SLC35B4: variants seen among roughly 807,000 people sequenced by gnomAD.
SLC35B4 encodes the protein solute carrier family 35 member B4.
SLC35B4 carries 28 observed loss-of-function variants against 39.5 expected under a neutral mutation model. The ratio of observed to expected loss-of-function variants is 0.71; its 90% CI spans 0.53 to 0.97. The LOEUF (loss-of-function observed/expected upper bound fraction) is 0.97. Ranked by LOEUF, SLC35B4 falls within the 50% of genes least tolerant of loss-of-function variation. The pLI is 0.00. For missense variants in SLC35B4, 334 were observed against 414.3 expected (o/e 0.81, Z 1.68); for synonymous variants, 145 against 150.4 (o/e 0.96, Z 0.26).
At chr7:134,310,244 T>C (rs1360210071) in intron 1 of SLC35B4, among the ~76,000 whole-genome samples, 1 of 152,182 alleles carries the variant, frequency 6.6e-6, no homozygotes, top group Non-Finnish European at 1.5e-5. Flanking sequence ...ACTCAAAAAA[T>C]GTTTGTGGAA....
chr7:134,293,303 C>G lies in SLC35B4; in HGVS notation c.*1530G>C, dbSNP rs1363798773. On this transcript the variant is annotated 3_prime_UTR_variant, in exon 10 of 10. Transcript: ENST00000378509. ...GCCACTTCCGTGCCCTTTGATCACA[C>G]ACAGACTACACAAGAGCACACAGAA... 6.6e-6 allele frequency: 1 copy of G among 152,216 alleles called. No individual in the cohort carries two copies. The highest frequency in any genetic ancestry group is 2.4e-5 in the African/African-American group (1 of 41,454). 9.4% of individuals were successfully genotyped at this position (152,216 alleles called of 1,614,324 possible). A position where few individuals can be genotyped will look rare whatever the true frequency, so the allele number is the denominator to read the frequency against.
chr7:134,310,915 A>G (rs1017586204), intron 1 of SLC35B4, among the ~76,000 whole-genome samples: 2 of 152,198 alleles, frequency 1.3e-5, no homozygotes, highest in African/African-American at 2.4e-5. Context: ...GTATTATTAC[A>G]TATTAATATA....
chr7:134,299,107 T>C (rs1013660337), intron 8 of SLC35B4, among the ~76,000 whole-genome samples: 3 of 152,242 alleles, frequency 2.0e-5, no homozygotes, highest in African/African-American at 4.8e-5. Flanking sequence ...CTCTGCTCCA[T>C]GGCAGCTTGG....
upstream of SLC35B4, chr7:134,317,044 C>G: frequency 2.6e-6 from 1 of 380,666 alleles, no homozygotes. Context: ...GCGACGTTCC[C>G]GCTTCCGCCA....
chr7:134,315,600 C>A (rs1315020980), intron 1 of SLC35B4, among the ~76,000 whole-genome samples: 2 of 151,108 alleles, frequency 1.3e-5, no homozygotes, highest in African/African-American at 4.9e-5. Flanking sequence ...TGGGTACCAT[C>A]CGTAAAATAT....
chr7:134,307,009 A>T (rs1803725396), intron 2 of SLC35B4, among the ~76,000 whole-genome samples: 1 of 152,338 alleles, frequency 6.6e-6, no homozygotes, highest in South Asian at 2.1e-4. Context: ...CTATTTAAAA[A>T]TTTTCAAGTA....
chr7:134,319,417 C>T (rs1030398102), upstream of SLC35B4, among the ~76,000 whole-genome samples: 1 of 152,186 alleles, frequency 6.6e-6, no homozygotes, highest in Non-Finnish European at 1.5e-5. Flanking sequence ...ACATGAGTCT[C>T]CTGTTTCTCT....
In SLC35B4 at chr7:134,300,227, T is replaced by C. The variant is rs763648934; in HGVS notation, c.522A>G (p.Ser174=). 1 of 1,612,884 alleles carries C rather than the reference T, an allele frequency of 6.2e-7. No homozygotes were observed. The highest frequency in any genetic ancestry group is 8.5e-7 in the Non-Finnish European group (1 of 1,179,760). The change falls in exon 7 of 10, where the codon TCA becomes TCG. Residue 174 remains serine (S), a synonymous_variant. Transcript: ENST00000378509. ...TCTCTTGGAATATCCCCATCCTTGCTGACATCAGAAGAGCAAAAGTCAATG... is the reference window on the plus strand; with the variant it reads ...TCTCTTGGAATATCCCCATCCTTGCCGACATCAGAAGAGCAAAAGTCAATG... ...IGALTFALLM[S]ARMGIFQETL... is the part of the protein sequence containing the mutation.
intron 2 of SLC35B4, 55 bp downstream of exon 2, chr7:134,309,311 C>T: frequency 9.8e-7 from 1 of 1,016,474 alleles, no homozygotes; most frequent in Non-Finnish European, 1.4e-6. Flanking sequence ...ACAGGTACCA[C>T]CTCTTTACTT....
At chr7:134,318,887 G>A (rs1047942645), upstream of SLC35B4, among the ~76,000 whole-genome samples, 1 of 152,134 alleles carries the variant, frequency 6.6e-6, no homozygotes, top group Non-Finnish European at 1.5e-5. Flanking sequence ...TTAATTTAAT[G>A]TGCATGTTAA....
At chr7:134,308,079 C>T (rs1245180987) in intron 2 of SLC35B4, among the ~76,000 whole-genome samples, 1 of 152,038 alleles carries the variant, frequency 6.6e-6, no homozygotes, top group Non-Finnish European at 1.5e-5. Context: ...TTTATGGCTC[C>T]ACCTACAGAA....
At chr7:134,314,725 G>A (rs139949298) in intron 1 of SLC35B4, among the ~76,000 whole-genome samples, 126 of 152,004 alleles carry the variant, frequency 8.3e-4, no homozygotes, top group Middle Eastern at 3.4e-3. Flanking sequence ...TAGTAGAGAC[G>A]GGGTCTTACC....
rs973616380 is a variant in SLC35B4 at position 134,290,129 on chromosome 7, T to A, written c.*4704A>T. 6.6e-6 allele frequency: 1 copy of A among 152,198 alleles called. No homozygotes were observed. The highest frequency in any genetic ancestry group is 1.5e-5 in the Non-Finnish European group (1 of 68,060). The allele number at this position is 152,198 out of a possible 1,614,324, so 9.4% of individuals were successfully genotyped here. Reference sequence around the variant, plus strand: ...AGAATCTTTAATGTTCTATTAGGGATCTTCTTGCACTTTCTTCCTGAGCAT... The same window carrying A: ...AGAATCTTTAATGTTCTATTAGGGAACTTCTTGCACTTTCTTCCTGAGCAT... On this transcript the variant is annotated 3_prime_UTR_variant, in exon 10 of 10. Coordinates refer to ENST00000378509, the MANE Select transcript of SLC35B4 (RefSeq NM_032826.5).
intron 3 of SLC35B4, among the ~76,000 whole-genome samples, chr7:134,305,330 A>T (rs1208212685): frequency 8.7e-6 from 1 of 115,066 alleles, no homozygotes; most frequent in East Asian, 2.1e-4. Context: ...GTCTCCAAAA[A>T]TATACGTATA....
chr7:134,309,566 T>A lies in SLC35B4; in HGVS notation c.78-87A>T. On this transcript the variant is annotated intron_variant, in intron 1 of 9. Coordinates refer to ENST00000378509, the MANE Select transcript of SLC35B4 (RefSeq NM_032826.5). ...ATGCATTCTAATTAGAGGGCCAGAA[T>A]AACAGCGTGGATGGATTTCAATTAC... 3.6e-6 allele frequency: 3 copies of A among 831,806 alleles called. No individual in the cohort carries two copies. In the East Asian group the frequency reaches 7.9e-5, roughly 22 times the overall value. 51.5% of individuals were successfully genotyped at this position (831,806 alleles called of 1,614,324 possible).
At chr7:134,318,507 C>T (rs372904528), upstream of SLC35B4, among the ~76,000 whole-genome samples, 2 of 151,690 alleles carry the variant, frequency 1.3e-5, no homozygotes, top group Admixed American at 6.6e-5. Flanking sequence ...GGTATATATA[C>T]AGGTATATAA....
rs532240665 is a variant in SLC35B4, at chr7:134,316,640, C to T, written c.77+35G>A. On this transcript the variant is annotated intron_variant, in intron 1 of 9. Coordinates refer to ENST00000378509, the MANE Select transcript of SLC35B4 (RefSeq NM_032826.5). ...TCCTCTGGCTTCCTCCGCCCCGCCC[C>T]GGGAGACCGGGTGCGGCCCGAGCGG... is the stretch of plus-strand genomic sequence containing the variant. 2.9e-5 allele frequency: 45 copies of T among 1,547,044 alleles called. No individual in the cohort carries two copies. The East Asian group carries it at 8.8e-4, about 30-fold the overall frequency.
intron 2 of SLC35B4, 33 bp downstream of exon 2, chr7:134,309,333 C>T: frequency 2.8e-6 from 4 of 1,415,704 alleles, no homozygotes; most frequent in Non-Finnish European, 3.8e-6. Context: ...CTTAAAAAAT[C>T]CAAAAGCTAA....
chr7:134,305,211 T>C (rs1303810188), intron 3 of SLC35B4, among the ~76,000 whole-genome samples: 1 of 152,044 alleles, frequency 6.6e-6, no homozygotes, highest in Non-Finnish European at 1.5e-5. Context: ...TAATTCCAGC[T>C]ACTTGGGAGG....
Sources: allele counts gnomAD v4.1 joint callset (sites outside exome capture counted in the v4.1 genomes callset), GRCh38; gene constraint gnomAD v4.1.1; transcripts MANE v1.5; gene names NCBI Gene and HGNC (gene_info 2026-07-23, HGNC 2026-07-21).